RAPGEF1: variants seen among roughly 807,000 people sequenced by gnomAD.
The protein encoded by RAPGEF1 is Rap guanine nucleotide exchange factor 1.
A neutral mutation model predicts 143.3 loss-of-function variants in RAPGEF1; 33 were observed. The ratio of observed to expected loss-of-function variants is 0.23; its 90% confidence interval spans 0.17 to 0.31. The LOEUF (loss-of-function observed/expected upper bound fraction) is 0.31, where lower values mean the gene tolerates loss of function less well. Among genes scored for constraint, RAPGEF1 ranks in the 10% least tolerant of loss-of-function variants. The pLI is 1.00. For missense variants in RAPGEF1, 1,199 were observed against 1,645.4 expected (o/e 0.73, Z 4.69); for synonymous variants, 629 against 676.5 (o/e 0.93, Z 1.09).
chr9:131,608,211 G>A (rs952781121), intron 12 of RAPGEF1, among the ~76,000 whole-genome samples: 4 of 152,216 alleles, frequency 2.6e-5, no homozygotes, highest in Admixed American at 2.0e-4. Flanking sequence ...CAAGTCCTCC[G>A]CATGGTGCTG....
At chr9:131,617,805 G>A (rs1481536586) in intron 12 of RAPGEF1, among the ~76,000 whole-genome samples, 1 of 152,202 alleles carries the variant, frequency 6.6e-6, no homozygotes, top group Admixed American at 6.5e-5. Context: ...GGGGCCATGG[G>A]GGGAGAATTG....
chr9:131,592,207 C>CAAGCAGTT, intron 17 of RAPGEF1, 24 bp from the exon 18 acceptor site: 1 of 1,561,226 alleles, frequency 6.4e-7, no homozygotes, highest in Non-Finnish European at 8.8e-7. Flanking sequence ...ACAATGCAAA[C>CAAGCAGTT]TGCTTGTCTG....
intron 24 of RAPGEF1, 78 bp from the exon 25 acceptor site, chr9:131,582,780 C>T (rs1347007845): frequency 3.1e-6 from 4 of 1,300,294 alleles, no homozygotes; most frequent in Non-Finnish European, 4.2e-6. Flanking sequence ...CCCTGGTCCT[C>T]CTCACTAACT....
intron 3 of RAPGEF1, among the ~76,000 whole-genome samples, chr9:131,646,496 C>T (rs1487651789): frequency 6.6e-6 from 1 of 152,222 alleles, no homozygotes; most frequent in Non-Finnish European, 1.5e-5. Flanking sequence ...ATTTCTGACG[C>T]CCAGGCTGTG....
Position 131,707,005 on chromosome 9 carries a change from A to T in RAPGEF1, c.61+32765T>A, listed in dbSNP as rs150790900. On this transcript the variant is annotated intron_variant, in intron 1 of 26. Transcript: ENST00000683357. ...ATCAAACCTGTCTGTCTGTATACCC[A>T]GCTGCTTCCAATGAAAATCTTCAGA... Among the ~76,000 whole-genome samples the T allele has an allele frequency of 2.1e-4, 32 of 152,374 alleles. No individual in the cohort carries two copies. In the East Asian group the frequency reaches 6.0e-3, roughly 28 times the overall value.
At chr9:131,619,243 G>T in intron 11 of RAPGEF1, 37 bp from the exon 12 acceptor site, 8 of 1,294,670 alleles carry the variant, frequency 6.2e-6, no homozygotes, top group Non-Finnish European at 8.2e-6. Flanking sequence ...AGGCAGGGAA[G>T]GAGGGAGAGA....
intron 5 of RAPGEF1, among the ~76,000 whole-genome samples, chr9:131,633,165 T>G (rs1965405994): frequency 6.6e-6 from 1 of 152,142 alleles, no homozygotes; most frequent in South Asian, 2.1e-4. Context: ...TTAGCACAAT[T>G]TAGAAGTTAA....
At chr9:131,647,743 A>G (rs1031045927) in intron 3 of RAPGEF1, among the ~76,000 whole-genome samples, 7 of 152,202 alleles carry the variant, frequency 4.6e-5, no homozygotes, top group South Asian at 2.1e-4. Flanking sequence ...ACAGACATCC[A>G]ACCCTTCCTA....
chr9:131,626,292 G>T lies in RAPGEF1; in HGVS notation c.1332C>A (p.Gly444=). ...CGCCAAGAGGCAGCTGGAAAGGAGG[G>T]CCAAGAAATGGAGACCCAGACTCCC... ...SLGESGSPFL[G]PPFQLPLGGH... Residue 444 remains glycine, a synonymous_variant, in exon 10 of 27, where the codon GGC becomes GGA. Transcript: ENST00000683357. The T allele has an allele frequency of 6.2e-7, 1 of 1,614,018 alleles. No individual in the cohort carries two copies. The highest frequency in any genetic ancestry group is 8.5e-7 in the Non-Finnish European group (1 of 1,179,886).
chr9:131,711,650 G>A lies in RAPGEF1; in HGVS notation c.61+28120C>T, dbSNP rs552951743. On this transcript the variant is annotated intron_variant, in intron 1 of 26. Coordinates refer to ENST00000683357, the MANE Select transcript of RAPGEF1 (RefSeq NM_001377935.1). ...TGGGATTACAGGCGTGAGCCACCAC[G>A]CCCAGCCCTTCATCACTTTTATAAT... is the stretch of plus-strand genomic sequence containing the variant. Among the ~76,000 whole-genome samples, 7 of 152,308 alleles carry A rather than the reference G, an allele frequency of 4.6e-5. No individual in the cohort carries two copies. In the East Asian group the frequency reaches 9.6e-4, roughly 21 times the overall value.
At chr9:131,624,182 T>A (rs185661300) in intron 10 of RAPGEF1, among the ~76,000 whole-genome samples, 8 of 152,342 alleles carry the variant, frequency 5.3e-5, no homozygotes, top group Admixed American at 2.0e-4. Flanking sequence ...CACTTGCTTG[T>A]TGATCTTGGG....
rs1000064386 is a variant in RAPGEF1 at position 131,584,108 on chromosome 9, C to T, written c.3414+203G>A. ...GACCACCCCAGAACCAACCTCGAAG[C>T]TCCCGGGGGCCTGAAGATTGGGGAT... On this transcript the variant is annotated intron_variant, in intron 24 of 26. Transcript: ENST00000683357. The surrounding 1 kb of genome is among the most constrained non-coding windows in gnomAD (Gnocchi z 6.8). Among the ~76,000 whole-genome samples, 1 of 152,204 alleles carries T rather than the reference C, an allele frequency of 6.6e-6. No individual in the cohort carries two copies. Among genetic ancestry groups the T allele is most frequent in the Non-Finnish European group, 1.5e-5 (1 of 68,022 alleles).
chr9:131,729,609 G>A (rs951776250), intron 1 of RAPGEF1, among the ~76,000 whole-genome samples: 1 of 152,146 alleles, frequency 6.6e-6, no homozygotes, highest in Non-Finnish European at 1.5e-5. Flanking sequence ...TGGTGGTGCC[G>A]GCAAGTCAGC....
intron 1 of RAPGEF1, among the ~76,000 whole-genome samples, chr9:131,714,832 T>G (rs1421789804): frequency 6.6e-6 from 1 of 151,512 alleles, no homozygotes; most frequent in Non-Finnish European, 1.5e-5. Flanking sequence ...CTCAGCCTCC[T>G]GACTAGCTGG....
At chr9:131,670,276 TTTC>T (rs1291599778) in intron 1 of RAPGEF1, among the ~76,000 whole-genome samples, 3 of 152,154 alleles carry the variant, frequency 2.0e-5, no homozygotes, top group African/African-American at 7.2e-5. Flanking sequence ...CTAGAGGACT[TTTC>T]TTATTTCCTC....
rs916445736 is a variant in RAPGEF1, at chr9:131,621,315, G to A, written c.1905+481C>T. Among the ~76,000 whole-genome samples the A allele has an allele frequency of 6.6e-6, 1 of 152,180 alleles. No homozygotes were observed. Among genetic ancestry groups the A allele is most frequent in the Non-Finnish European group, 1.5e-5 (1 of 68,018 alleles). ...GCCATCCTCCACTTCAATGGCACTT[G>A]TTTTCCTTGGGCCCTCCCCGGCCAA... On this transcript the variant is annotated intron_variant, in intron 11 of 26. Transcript: ENST00000683357. The surrounding 1 kb of genome is among the most constrained non-coding windows in gnomAD (Gnocchi z 4.5).
At chr9:131,595,911 C>G (rs1955192344) in intron 17 of RAPGEF1, among the ~76,000 whole-genome samples, 1 of 152,192 alleles carries the variant, frequency 6.6e-6, no homozygotes, top group South Asian at 2.1e-4. Context: ...GTCTAATGGT[C>G]TGCAACAATA....
At chr9:131,725,666 G>A (rs62583108) in intron 1 of RAPGEF1, among the ~76,000 whole-genome samples, 11,117 of 151,956 alleles carry the variant, frequency 0.073, 604 homozygotes, top group Non-Finnish European at 0.11. Flanking sequence ...GATCAGTGAT[G>A]TTGAGCACAT....
chr9:131,722,147 T>A (rs1158762655), intron 1 of RAPGEF1, among the ~76,000 whole-genome samples: 2 of 151,796 alleles, frequency 1.3e-5, no homozygotes, highest in African/African-American at 2.4e-5. Context: ...TCACCCAGAT[T>A]CATAGAGAGA....
Sources: allele counts gnomAD v4.1 joint callset (sites outside exome capture counted in the v4.1 genomes callset), GRCh38; gene constraint gnomAD v4.1.1; non-coding constraint Gnocchi (gnomAD v3.1); transcripts MANE v1.5; gene names NCBI Gene and HGNC (gene_info 2026-07-23, HGNC 2026-07-21).